Variants in CPQ observed in about 807,000 individuals in gnomAD.
CPQ encodes the protein carboxypeptidase Q, also known as Ser-Met dipeptidase.
Under a neutral mutation model 45.7 loss-of-function variants are expected in CPQ, and 37 were observed. The ratio of observed to expected loss-of-function variants is 0.81; its 90% CI spans 0.62 to 1.07. The LOEUF (loss-of-function observed/expected upper bound fraction) is 1.07. Ranked by LOEUF, CPQ falls within the 50% of genes least tolerant of loss-of-function variation. The pLI, the probability that CPQ is intolerant of heterozygous loss-of-function variation, is 0.00. For synonymous variants in CPQ, 186 were observed against 205.8 expected, an observed-to-expected ratio of 0.90 and a Z score of 0.82; for missense variants, 537 against 572.9, an observed-to-expected ratio of 0.94 and a Z score of 0.64.
At chr8:97,090,545 C>T (rs1466018679) in intron 7 of CPQ, among the ~76,000 whole-genome samples, 1 of 152,156 alleles carries the variant, frequency 6.6e-6, no homozygotes, top group Non-Finnish European at 1.5e-5. Context: ...TACCAGATTA[C>T]ATGTCATGTT....
chr8:96,981,417 C>G (rs2130388830), intron 5 of CPQ, among the ~76,000 whole-genome samples: 1 of 152,278 alleles, frequency 6.6e-6, no homozygotes. Flanking sequence ...TCGCCAATCA[C>G]CATAGACCCT....
At chr8:96,861,963 A>G (rs888362906) in intron 3 of CPQ, among the ~76,000 whole-genome samples, 1 of 152,130 alleles carries the variant, frequency 6.6e-6, no homozygotes, top group Admixed American at 6.5e-5. Flanking sequence ...AGGAGATAGT[A>G]TGCTAACTGG....
chr8:96,760,558 T>C (rs1198207921), intron 1 of CPQ, among the ~76,000 whole-genome samples: 1 of 152,102 alleles, frequency 6.6e-6, no homozygotes, highest in Non-Finnish European at 1.5e-5. Flanking sequence ...TCTAAAGGGC[T>C]TAAGGAGGAT....
At chr8:96,917,514 C>T (rs1812749007) in intron 4 of CPQ, among the ~76,000 whole-genome samples, 1 of 152,088 alleles carries the variant, frequency 6.6e-6, no homozygotes, top group African/African-American at 2.4e-5. Flanking sequence ...GCTTATCTCT[C>T]ATACTTCCTG....
At chr8:96,784,698 C>G (rs1810737163) in intron 1 of CPQ, among the ~76,000 whole-genome samples, 166 bp from the exon 2 acceptor site, 1 of 152,090 alleles carries the variant, frequency 6.6e-6, no homozygotes, top group African/African-American at 2.4e-5. Context: ...ATCGTTGCCT[C>G]TTTACTTGTT....
chr8:96,650,041 T>C (rs1294463360), intron 1 of CPQ, among the ~76,000 whole-genome samples: 1 of 152,222 alleles, frequency 6.6e-6, no homozygotes, highest in African/African-American at 2.4e-5. Context: ...TAGGCAGATA[T>C]GAAATACAGA....
At chr8:96,927,951 C>T (rs796733284) in intron 4 of CPQ, among the ~76,000 whole-genome samples, 51 of 152,298 alleles carry the variant, frequency 3.3e-4, no homozygotes, top group African/African-American at 1.2e-3. Context: ...CCTTGCCCTG[C>T]TTTATCCTGT....
intron 1 of CPQ, among the ~76,000 whole-genome samples, chr8:96,718,129 G>A (rs774183859): frequency 1.3e-5 from 2 of 152,176 alleles, no homozygotes; most frequent in Non-Finnish European, 2.9e-5. Flanking sequence ...CTGTGCTTGT[G>A]GCTTCAGCCC....
chr8:96,701,787 C>T (rs1023348601), intron 1 of CPQ, among the ~76,000 whole-genome samples: 1 of 152,170 alleles, frequency 6.6e-6, no homozygotes, highest in Non-Finnish European at 1.5e-5. Context: ...AGCTAAAGCC[C>T]TGACACTCAG....
intron 1 of CPQ, among the ~76,000 whole-genome samples, chr8:96,745,920 G>A (rs1810173642): frequency 6.6e-6 from 1 of 152,288 alleles, no homozygotes; most frequent in South Asian, 2.1e-4. Context: ...TAGAACAGAC[G>A]CTTGGATTAG....
intron 5 of CPQ, among the ~76,000 whole-genome samples, chr8:97,001,856 T>TGTACATCTGGTAGAATTC (rs1809289105): frequency 6.6e-6 from 1 of 151,914 alleles, no homozygotes; most frequent in Non-Finnish European, 1.5e-5. Flanking sequence ...ACCAGCTCTT[T>TGTACATCTGGTAGAATTC]GTACATCTGG....
intron 3 of CPQ, among the ~76,000 whole-genome samples, chr8:96,851,907 T>C (rs545388431): frequency 1.3e-5 from 2 of 152,346 alleles, no homozygotes; most frequent in South Asian, 4.1e-4. Flanking sequence ...CTCTTCCTTC[T>C]CTTTATTCAG....
At chr8:97,116,404 C>G (rs755508115) in intron 7 of CPQ, among the ~76,000 whole-genome samples, 1 of 152,216 alleles carries the variant, frequency 6.6e-6, no homozygotes, top group Non-Finnish European at 1.5e-5. Flanking sequence ...GCATATTAAA[C>G]TGAATTTTTC....
intron 1 of CPQ, among the ~76,000 whole-genome samples, chr8:96,701,412 A>G (rs984352354): frequency 2.0e-5 from 3 of 152,220 alleles, no homozygotes; most frequent in Non-Finnish European, 4.4e-5. Context: ...TGATGTAGCT[A>G]TCAAATGTAA....
intron 1 of CPQ, among the ~76,000 whole-genome samples, chr8:96,660,597 C>T (rs1369704150): frequency 1.3e-5 from 2 of 151,714 alleles, no homozygotes; most frequent in Non-Finnish European, 1.5e-5. Context: ...CTTGTAGGTT[C>T]TGAATCAGTA....
intron 6 of CPQ, among the ~76,000 whole-genome samples, chr8:97,047,659 C>T (rs1810282884): frequency 6.6e-6 from 1 of 152,192 alleles, no homozygotes; most frequent in African/African-American, 2.4e-5. Context: ...TAACCAACAA[C>T]ACTTCACTTC....
intron 3 of CPQ, among the ~76,000 whole-genome samples, chr8:96,849,443 A>T (rs773585775): frequency 2.0e-5 from 3 of 152,170 alleles, no homozygotes; most frequent in African/African-American, 4.8e-5. Flanking sequence ...GTGTCTTTGT[A>T]TTATGACACT....
intron 3 of CPQ, among the ~76,000 whole-genome samples, chr8:96,867,537 A>G (rs4297013): frequency 0.99 from 150,351 of 152,106 alleles, 74,408 homozygotes; most frequent in Middle Eastern, 1. Flanking sequence ...TATTATAAAT[A>G]TAATATTTAC....
chr8:96,867,146 C>G (rs1224924946), intron 3 of CPQ, among the ~76,000 whole-genome samples: 1 of 152,034 alleles, frequency 6.6e-6, no homozygotes, highest in Non-Finnish European at 1.5e-5. Context: ...ATGCTAAGAT[C>G]TTGGCAATGT....
Sources: allele counts gnomAD v4.1 joint callset (sites outside exome capture counted in the v4.1 genomes callset), GRCh38; gene constraint gnomAD v4.1.1; transcripts MANE v1.5; gene names NCBI Gene and HGNC (gene_info 2026-07-23, HGNC 2026-07-21).